Variants in NR5A2 observed in about 807,000 individuals in gnomAD.
The protein encoded by NR5A2 is CYP7A promoter-binding factor.
A neutral mutation model predicts 62.7 loss-of-function variants in NR5A2; 26 were observed. That is an observed-to-expected ratio of 0.41 (90% CI 0.30 to 0.58). NR5A2 has a LOEUF of 0.58. NR5A2 is among the 20% of genes least tolerant of loss of function. The pLI, the probability that NR5A2 is intolerant of heterozygous loss-of-function variation, is 0.22. For synonymous variants in NR5A2, 246 were observed against 241.7 expected (o/e 1.02, Z -0.16); for missense variants, 541 against 669.1 (o/e 0.81, Z 2.11).
chr1:200,110,615 T>C (rs1382052889), intron 5 of NR5A2, among the ~76,000 whole-genome samples: 2 of 152,198 alleles, frequency 1.3e-5, no homozygotes, highest in Non-Finnish European at 2.9e-5. Flanking sequence ...AGCACCGACA[T>C]CATGCTTGGT....
chr1:200,154,125 G>T (rs1028839219), intron 7 of NR5A2, among the ~76,000 whole-genome samples: 1 of 152,176 alleles, frequency 6.6e-6, no homozygotes. Context: ...ATTTCCAGAA[G>T]TATCTTTCCT....
In NR5A2 at chr1:200,067,589, C is replaced by CA. The variant is rs1663548365; in HGVS notation, c.1110+18772dup. ...AAGTGGGAGCTAAATGATGAGAACTCACGAACACAAGGGAACAACAGACAC... is the reference window on the plus strand; with the variant it reads ...AAGTGGGAGCTAAATGATGAGAACTCAACGAACACAAGGGAACAACAGACAC... On this transcript the variant is annotated intron_variant, in intron 5 of 7. Coordinates refer to ENST00000367362, the MANE Select transcript of NR5A2 (RefSeq NM_205860.3). Among the ~76,000 whole-genome samples, 3 of 151,728 alleles carry CA rather than the reference C, an allele frequency of 2.0e-5. No individual in the cohort carries two copies. The South Asian group carries it at 6.3e-4, about 32-fold the overall frequency.
intron 1 of NR5A2, chr1:200,029,183 C>T: frequency 1.3e-5 from 5 of 374,642 alleles, no homozygotes; most frequent in Non-Finnish European, 2.1e-5. Flanking sequence ...GGGGCCGCAG[C>T]TAGAGCGCGC....
intron 7 of NR5A2, among the ~76,000 whole-genome samples, chr1:200,140,722 A>G (rs923329642): frequency 1.3e-5 from 2 of 152,170 alleles, no homozygotes; most frequent in Non-Finnish European, 2.9e-5. Context: ...CATCTCACAT[A>G]ACTATCCTCA....
intron 7 of NR5A2, among the ~76,000 whole-genome samples, chr1:200,170,061 T>A (rs1448866836): frequency 6.6e-6 from 1 of 152,226 alleles, no homozygotes; most frequent in African/African-American, 2.4e-5. Context: ...CATGTATTTC[T>A]GGGAACTCCA....
intron 7 of NR5A2, among the ~76,000 whole-genome samples, chr1:200,129,456 C>T (rs74490351): frequency 0.028 from 4,261 of 152,312 alleles, 98 homozygotes; most frequent in South Asian, 0.062. Context: ...TCAATCAGAA[C>T]GTCTTTCTCC....
intron 5 of NR5A2, among the ~76,000 whole-genome samples, chr1:200,052,865 CT>C (rs1662715878): frequency 6.6e-6 from 1 of 152,170 alleles, no homozygotes; most frequent in Admixed American, 6.5e-5. Context: ...TGGTCTTGAT[CT>C]CCTGACCTTG....
chr1:200,111,124 T>C (rs1379875009), intron 5 of NR5A2, 78 bp from the exon 6 acceptor site: 3 of 1,535,970 alleles, frequency 2.0e-6, no homozygotes, highest in Non-Finnish European at 2.6e-6. Flanking sequence ...TGTTGAAAAT[T>C]ACACAAAAAC....
At chr1:200,060,939 T>TAAAAAAAA (rs60736317) in intron 5 of NR5A2, among the ~76,000 whole-genome samples, 76 of 87,652 alleles carry the variant, frequency 8.7e-4, no homozygotes, top group Non-Finnish European at 1.1e-3. Context: ...CCATCTCTAC[T>TAAAAAAAA]AAAAAAAAAA....
chr1:200,033,046 A>C (rs1177267063), intron 1 of NR5A2, among the ~76,000 whole-genome samples: 1 of 152,188 alleles, frequency 6.6e-6, no homozygotes, highest in African/African-American at 2.4e-5. Flanking sequence ...GAAGGGTGGC[A>C]CAGGGAGTGG....
intron 2 of NR5A2, among the ~76,000 whole-genome samples, chr1:200,041,008 C>G (rs1313952258): frequency 1.3e-5 from 2 of 152,196 alleles, no homozygotes; most frequent in Admixed American, 6.5e-5. Context: ...CTATGGGAAC[C>G]CGGTTGGTCC....
In NR5A2 at chr1:200,102,655, C is replaced by T. The variant is rs188478905; in HGVS notation, c.1111-8547C>T. Among the ~76,000 whole-genome samples, 15 of 152,264 alleles carry T rather than the reference C, an allele frequency of 9.9e-5. No homozygotes were observed. In the East Asian group the frequency reaches 2.9e-3, roughly 29 times the overall value. The stretch of plus-strand genomic sequence containing the variant: ...TTCCAATTTTACTTCCCTTTACTCC[C>T]ATTCCCAATTTATGAAGTTCCCAAA... On this transcript the variant is annotated intron_variant, in intron 5 of 7. Coordinates refer to ENST00000367362, the MANE Select transcript of NR5A2 (RefSeq NM_205860.3).
At chr1:200,045,930 A>G (rs1337443808) in intron 4 of NR5A2, among the ~76,000 whole-genome samples, 3 of 152,332 alleles carry the variant, frequency 2.0e-5, no homozygotes, top group South Asian at 2.1e-4. Context: ...TTGTAAAACT[A>G]TTAAAAGTAA....
chr1:200,169,733 A>G (rs941315976), intron 7 of NR5A2, among the ~76,000 whole-genome samples: 1 of 152,268 alleles, frequency 6.6e-6, no homozygotes, highest in African/African-American at 2.4e-5. Context: ...CCAGTCATCA[A>G]AATTTAAAGG....
In NR5A2 at chr1:200,045,416, C is replaced by T. The variant is rs41315555; in HGVS notation, c.322-27C>T. On this transcript the variant is annotated intron_variant, in intron 3 of 7. Transcript: ENST00000367362. Reference sequence around the variant, plus strand: ...AAAGACGGGTGTTAGATTTATAATACGTCTCACTATTTTCTCTGTCTTATA... The same window carrying T: ...AAAGACGGGTGTTAGATTTATAATATGTCTCACTATTTTCTCTGTCTTATA... 5.2e-3 allele frequency: 8,027 copies of T among 1,549,500 alleles called. 25 individuals are homozygous for T. The highest frequency in any genetic ancestry group is 6.2e-3 in the Non-Finnish European group (7,163 of 1,149,462).
intron 7 of NR5A2, among the ~76,000 whole-genome samples, chr1:200,132,562 C>T (rs1558158399): frequency 6.6e-6 from 1 of 152,182 alleles, no homozygotes; most frequent in African/African-American, 2.4e-5. Flanking sequence ...AAGCCTTTGT[C>T]AACCCCCATG....
chr1:200,173,310 G>A (rs1654267493), intron 7 of NR5A2, among the ~76,000 whole-genome samples: 1 of 152,200 alleles, frequency 6.6e-6, no homozygotes, highest in Non-Finnish European at 1.5e-5. Flanking sequence ...CCTGGCTTGT[G>A]TTCTGCCTAA....
At position 200,120,887 on chromosome 1, in the gene NR5A2, A is replaced by G. The variant is rs1265408960; in HGVS notation, c.1310A>G (p.Lys437Arg). The part of the protein sequence containing the change: ...LMSHAQELVA[K>R]LRSLQFDQRE... ...AGTCATGCACAGGAGTTAGTGGCAA[A>G]ACTTCGTTCTCTCCAGTTTGATCAA... The change falls in exon 7 of 8, where the codon AAA (lysine) becomes AGA (arginine). Residue 437 changes from lysine to arginine, a missense_variant. Physicochemically the swap from Lys to Arg is conservative, Grantham distance 26 (BLOSUM62 2). Around this residue, in one of 3 missense-constraint regions of NR5A2, gnomAD observed 379 missense variants for 442.0 expected, o/e 0.86. Transcript: ENST00000367362. 6.2e-7 allele frequency: 1 copy of G among 1,612,300 alleles called. No homozygotes were observed. Among genetic ancestry groups the G allele is most frequent in the Non-Finnish European group, 8.5e-7 (1 of 1,179,368 alleles).
intron 5 of NR5A2, among the ~76,000 whole-genome samples, chr1:200,082,496 A>G (rs1264000409): frequency 2.0e-5 from 3 of 152,216 alleles, no homozygotes; most frequent in Non-Finnish European, 4.4e-5. Flanking sequence ...ATATAAAACA[A>G]ATTACAAACA....
Sources: allele counts gnomAD v4.1 joint callset (sites outside exome capture counted in the v4.1 genomes callset), GRCh38; gene constraint gnomAD v4.1.1; regional missense constraint gnomAD v4.1.1; transcripts MANE v1.5; gene names NCBI Gene and HGNC (gene_info 2026-07-23, HGNC 2026-07-21).